HS3ST2: variants seen among roughly 807,000 people sequenced by gnomAD.
HS3ST2 encodes heparan sulfate-glucosamine 3-sulfotransferase 2.
Under a neutral mutation model 26.3 loss-of-function variants are expected in HS3ST2, and 17 were observed. The ratio of observed to expected loss-of-function variants is 0.65; its 90% CI spans 0.44 to 0.97. HS3ST2 has a LOEUF of 0.97. HS3ST2 is among the 50% of genes least tolerant of loss of function. The pLI, the probability that HS3ST2 is intolerant of heterozygous loss-of-function variation, is 0.00. For missense variants in HS3ST2, 402 were observed against 501.2 expected, an observed-to-expected ratio of 0.80 and a Z score of 1.89; for synonymous variants, 237 against 219.2, an observed-to-expected ratio of 1.08 and a Z score of -0.72.
In HS3ST2 at chr16:22,814,634, C is replaced by A. The variant is rs1320933241; in HGVS notation, c.24C>A (p.Arg8=). 8 of 1,552,078 alleles carry A rather than the reference C, an allele frequency of 5.2e-6. No homozygotes were observed. Among genetic ancestry groups the A allele is most frequent in the Non-Finnish European group, 7.0e-6 (8 of 1,149,304 alleles). ...CCATGGCCTATAGGGTCCTGGGCCG[C>A]GCGGGGCCACCTCAGCCGCGGAGGG... MAYRVLG[R]AGPPQPRRAR... Residue 8 remains arginine (R), a synonymous_variant, in exon 1 of 2, where the codon CGC becomes CGA. Transcript: ENST00000261374.
chr16:22,871,152 T>C (rs1901831527), intron 1 of HS3ST2, among the ~76,000 whole-genome samples: 1 of 152,060 alleles, frequency 6.6e-6, no homozygotes, highest in African/African-American at 2.4e-5. Flanking sequence ...GATCAGGAGA[T>C]GGAGACCATT....
intron 1 of HS3ST2, among the ~76,000 whole-genome samples, chr16:22,896,082 GACAAGAGGTGC>G (rs1902206415): frequency 6.6e-6 from 1 of 151,940 alleles, no homozygotes; most frequent in East Asian, 1.9e-4. Flanking sequence ...AAGTAGCTGG[GACAAGAGGTGC>G]ACTCCACCAT....
At chr16:22,817,753 G>C (rs1306777809) in intron 1 of HS3ST2, among the ~76,000 whole-genome samples, 4 of 152,168 alleles carry the variant, frequency 2.6e-5, no homozygotes, top group Non-Finnish European at 5.9e-5. Flanking sequence ...TTTCCAAAGG[G>C]GGAGGTGCAG....
chr16:22,878,277 CA>C (rs1487510826), intron 1 of HS3ST2, among the ~76,000 whole-genome samples: 2 of 152,100 alleles, frequency 1.3e-5, no homozygotes, highest in African/African-American at 4.8e-5. Context: ...AACTTTTTAA[CA>C]GTGCAGGAAA....
intron 1 of HS3ST2, among the ~76,000 whole-genome samples, chr16:22,898,470 TCTAA>T (rs1902237062): frequency 6.6e-6 from 1 of 152,112 alleles, no homozygotes; most frequent in Non-Finnish European, 1.5e-5. Context: ...GTGGTGATAT[TCTAA>T]CTGAGACCTG....
At chr16:22,846,800 A>T (rs1037111949) in intron 1 of HS3ST2, among the ~76,000 whole-genome samples, 22 of 150,722 alleles carry the variant, frequency 1.5e-4, no homozygotes, top group African/African-American at 3.2e-4. Context: ...ACCTTAATGT[A>T]AAAAAAAATA....
intron 1 of HS3ST2, among the ~76,000 whole-genome samples, chr16:22,867,172 GGGAAAGACTTAT>G (rs1254422851): frequency 6.6e-6 from 1 of 152,190 alleles, no homozygotes; most frequent in African/African-American, 2.4e-5. Flanking sequence ...TTGAATCAGT[GGGAAAGACTTAT>G]TTAACAAATA....
At chr16:22,857,742 A>G (rs1901615330) in intron 1 of HS3ST2, among the ~76,000 whole-genome samples, 1 of 152,150 alleles carries the variant, frequency 6.6e-6, no homozygotes, top group African/African-American at 2.4e-5. Flanking sequence ...AAATGCCCAA[A>G]TGCTCCATCT....
At chr16:22,864,113 T>G (rs112412682) in intron 1 of HS3ST2, among the ~76,000 whole-genome samples, 375 of 152,320 alleles carry the variant, frequency 2.5e-3, no homozygotes, top group African/African-American at 7.9e-3. Context: ...TTCAGATCCT[T>G]TGATCTGTGG....
chr16:22,884,659 A>AAT lies in HS3ST2; in HGVS notation c.486-30268_486-30267dup, dbSNP rs1309009636. Among the ~76,000 whole-genome samples, 706 of 139,044 alleles carry AAT rather than the reference A, an allele frequency of 5.1e-3. 6 individuals are homozygous for AAT. The highest frequency in any genetic ancestry group is 0.01 in the African/African-American group (397 of 38,364). 91.2% of individuals were successfully genotyped at this position (139,044 alleles called of 152,430 possible). On this transcript the variant is annotated intron_variant, in intron 1 of 1. Coordinates refer to ENST00000261374, the MANE Select transcript of HS3ST2 (RefSeq NM_006043.2). ...TTCCCATCAGCAAAATAGAGAAAAA[A>AAT]ATATATATATATATATATTATATAT...
chr16:22,815,978 C>T (rs1324312117), intron 1 of HS3ST2, among the ~76,000 whole-genome samples: 1 of 152,208 alleles, frequency 6.6e-6, no homozygotes, highest in East Asian at 1.9e-4. Context: ...GCCAGTCATG[C>T]ATAGACTGTC....
rs545384208 is a variant in HS3ST2 at position 22,879,118 on chromosome 16, G to A, written c.486-35826G>A. On this transcript the variant is annotated intron_variant, in intron 1 of 1. Coordinates refer to ENST00000261374, the MANE Select transcript of HS3ST2 (RefSeq NM_006043.2). ...ATAAATCAGTGCCAGGGCCATCTGT[G>A]CAGACTGCCTGGGCTCTGGCTGCAA... Among the ~76,000 whole-genome samples, 10 of 152,346 alleles carry A rather than the reference G, an allele frequency of 6.6e-5. No homozygotes were observed. The South Asian group carries it at 1.7e-3, about 25-fold the overall frequency.
At chr16:22,834,203 G>T (rs1901216369) in intron 1 of HS3ST2, among the ~76,000 whole-genome samples, 1 of 152,070 alleles carries the variant, frequency 6.6e-6, no homozygotes, top group African/African-American at 2.4e-5. Context: ...ATCGTGCATT[G>T]TGGAAAAATT....
chr16:22,856,715 G>A (rs1901600623), intron 1 of HS3ST2, among the ~76,000 whole-genome samples: 1 of 152,136 alleles, frequency 6.6e-6, no homozygotes, highest in Non-Finnish European at 1.5e-5. Context: ...AGTAGCTGAT[G>A]TGTCCATTTG....
At chr16:22,893,851 G>A (rs1276766191) in intron 1 of HS3ST2, among the ~76,000 whole-genome samples, 2 of 151,982 alleles carry the variant, frequency 1.3e-5, no homozygotes, top group Non-Finnish European at 2.9e-5. Flanking sequence ...GCAGGGACAC[G>A]ATCATAGCTC....
At chr16:22,818,725 C>CTCCTTCCTTCCT (rs1567478192) in intron 1 of HS3ST2, among the ~76,000 whole-genome samples, 2 of 45,700 alleles carry the variant, frequency 4.4e-5, no homozygotes, top group Admixed American at 2.1e-4. Context: ...CCTTCCTTCC[C>CTCCTTCCTTCCT]TCCCTCCCTC....
chr16:22,860,861 A>G (rs1347927679), intron 1 of HS3ST2, among the ~76,000 whole-genome samples: 3 of 150,342 alleles, frequency 2.0e-5, no homozygotes, highest in Non-Finnish European at 4.4e-5. Flanking sequence ...AGTAATAGAT[A>G]AATATGTATT....
chr16:22,827,308 T>C (rs551136261), intron 1 of HS3ST2, among the ~76,000 whole-genome samples: 1 of 152,274 alleles, frequency 6.6e-6, no homozygotes, highest in South Asian at 2.1e-4. Flanking sequence ...CAGGACCCTG[T>C]AGGCCTTTGC....
intron 1 of HS3ST2, among the ~76,000 whole-genome samples, chr16:22,874,211 G>A (rs561675035): frequency 6.6e-6 from 1 of 152,298 alleles, no homozygotes; most frequent in South Asian, 2.1e-4. Context: ...TCAACTTCTA[G>A]TTGTCAACTG....
Sources: allele counts gnomAD v4.1 joint callset (sites outside exome capture counted in the v4.1 genomes callset), GRCh38; gene constraint gnomAD v4.1.1; transcripts MANE v1.5; gene names NCBI Gene and HGNC (gene_info 2026-07-23, HGNC 2026-07-21).